NOTCH3: variants seen among roughly 807,000 people sequenced by gnomAD.
NOTCH3 encodes notch receptor 3.
NOTCH3 carries 86 observed loss-of-function variants against 213.3 expected under a neutral mutation model. The observed-to-expected ratio is 0.40, with a 90% CI of 0.34 to 0.48. The LOEUF is 0.48. NOTCH3 is among the 20% of genes least tolerant of loss of function. The probability of loss-of-function intolerance (pLI) is 0.57; values close to 1 mark genes in which losing one functional copy is unlikely to be tolerated. For missense variants in NOTCH3, 2,783 were observed against 3,272.6 expected, an observed-to-expected ratio of 0.85 and a Z score of 3.65; for synonymous variants, 1,354 against 1,355.9, an observed-to-expected ratio of 1.00 and a Z score of 0.03.
rs1417983935 is a variant in NOTCH3, at chr19:15,189,491, C to A, written c.1037-63G>T. On this transcript the variant is annotated intron_variant, in intron 6 of 32. Coordinates refer to ENST00000263388, the MANE Select transcript of NOTCH3 (RefSeq NM_000435.3). ...CTGCTCTGCCCAAAAGGCCCACACC[C>A]CTTGAGTATTGTTTTGTCGTTGTTG... is the stretch of plus-strand genomic sequence containing the variant. 3.0e-5 allele frequency: 47 copies of A among 1,568,306 alleles called. No homozygotes were observed. The South Asian group carries it at 3.4e-4, about 11-fold the overall frequency.
Position 15,185,126 on chromosome 19 carries a change from C to T in NOTCH3, c.2297-107G>A. Reference sequence around the variant, plus strand: ...AGGGTCCCCACCTTGATACCCACCTCCCAAGCTCCTGGAGGGAAATGATTG... The same window carrying T: ...AGGGTCCCCACCTTGATACCCACCTTCCAAGCTCCTGGAGGGAAATGATTG... On this transcript the variant is annotated intron_variant, in intron 14 of 32. Coordinates refer to ENST00000263388, the MANE Select transcript of NOTCH3 (RefSeq NM_000435.3). The surrounding 1 kb of genome is among the most constrained non-coding windows in gnomAD (Gnocchi z 4.2). 1 of 1,354,480 alleles carries T rather than the reference C, an allele frequency of 7.4e-7. No homozygotes were observed. Among genetic ancestry groups the T allele is most frequent in the Non-Finnish European group, 1.0e-6 (1 of 969,998 alleles). The allele number at this position is 1,354,480 out of a possible 1,614,324, so 83.9% of individuals were successfully genotyped here. A position where few individuals can be genotyped will look rare whatever the true frequency, so the allele number is the denominator to read the frequency against.
At chr19:15,199,220 T>C (rs149732511) in intron 1 of NOTCH3, among the ~76,000 whole-genome samples, 1 of 152,314 alleles carries the variant, frequency 6.6e-6, no homozygotes, top group Non-Finnish European at 1.5e-5. Flanking sequence ...TGCAGCTACA[T>C]GTGAGTCTAT....
Position 15,174,246 on chromosome 19 carries a change from G to GC in NOTCH3, c.4557dup (p.Pro1520AlafsTer43). 6.3e-7 allele frequency: 1 copy of GC among 1,588,744 alleles called. No homozygotes were observed. Among genetic ancestry groups the GC allele is most frequent in the Non-Finnish European group, 8.5e-7 (1 of 1,170,732 alleles). Reference sequence around the variant, plus strand: ...CTGGAACGCAGTAGCTCCTCTGGCGGCAGCAGCACTGTGAGCACCAGCACG... The same window carrying GC: ...CTGGAACGCAGTAGCTCCTCTGGCGGCCAGCAGCACTGTGAGCACCAGCACG... On this transcript the variant is annotated frameshift_variant, in exon 25 of 33. Coordinates refer to ENST00000263388, the MANE Select transcript of NOTCH3 (RefSeq NM_000435.3). LOFTEE classifies it high-confidence loss of function.
chr19:15,160,999 G>A lies in NOTCH3; in HGVS notation c.6629C>T (p.Pro2210Leu). The A allele has an allele frequency of 1.9e-6, 3 of 1,548,992 alleles. No homozygotes were observed. Among genetic ancestry groups the A allele is most frequent in the Non-Finnish European group, 2.6e-6 (3 of 1,147,824 alleles). Reference sequence around the variant, plus strand: ...GCCATGTCCTGGGACTGCCAGGTAAGGCGGGGGCCGCTCCTGCGGGGAGAC... The same window carrying A: ...GCCATGTCCTGGGACTGCCAGGTAAAGCGGGGGCCGCTCCTGCGGGGAGAC... ...TPVSPQERPP[P>L]YLAVPGHGEE... Residue 2210 changes from proline (P) to leucine (L), a missense_variant, in exon 33 of 33, where the codon CCT becomes CTT. Pro to Leu is a moderately conservative substitution (Grantham distance 98, BLOSUM62 -3). This residue lies in a region of NOTCH3 where 441 missense variants were observed against 432.1 expected (regional missense o/e 1.02). Coordinates refer to ENST00000263388, the MANE Select transcript of NOTCH3 (RefSeq NM_000435.3).
chr19:15,179,856 G>A (rs1197375500), intron 20 of NOTCH3, among the ~76,000 whole-genome samples: 1 of 151,954 alleles, frequency 6.6e-6, no homozygotes, highest in Admixed American at 6.6e-5. Context: ...GCACTCGTCT[G>A]GGTGACAGAG....
rs1011025144 is a variant in NOTCH3 at position 15,191,193 on chromosome 19, G to A, written c.1036+231C>T. Among the ~76,000 whole-genome samples the A allele has an allele frequency of 5.9e-5, 9 of 151,442 alleles. No homozygotes were observed. The East Asian group carries it at 9.8e-4, about 17-fold the overall frequency. ...GGATTACAGGTGTGCACCACCACGCGCAGCTAATTTTTGTGTTTTTAGTAG... is the reference window on the plus strand; with the variant it reads ...GGATTACAGGTGTGCACCACCACGCACAGCTAATTTTTGTGTTTTTAGTAG... On this transcript the variant is annotated intron_variant, in intron 6 of 32. Coordinates refer to ENST00000263388, the MANE Select transcript of NOTCH3 (RefSeq NM_000435.3).
chr19:15,175,282 C>T (rs966989100), intron 24 of NOTCH3, among the ~76,000 whole-genome samples: 4 of 148,426 alleles, frequency 2.7e-5, no homozygotes, highest in Non-Finnish European at 5.9e-5. Flanking sequence ...CCTCTAATTC[C>T]AGCACTTTGG....
rs778548048 is a variant in NOTCH3 at position 15,179,207 on chromosome 19, T to C, written c.3536A>G (p.Asn1179Ser). 24 of 1,613,796 alleles carry C rather than the reference T, an allele frequency of 1.5e-5. No homozygotes were observed. The South Asian group carries it at 2.1e-4, about 14-fold the overall frequency. Residue 1179 changes from asparagine (N) to serine (S), a missense_variant, in exon 22 of 33, where the codon AAT (asparagine) becomes AGT (serine). By Grantham distance (46) the Asn-to-Ser change is conservative. Around this residue, in one of 6 missense-constraint regions of NOTCH3, gnomAD observed 861 missense variants for 909.1 expected, o/e 0.95. Transcript: ENST00000263388. The part of the protein sequence containing the change: ...PLDSGPRCLH[N>S]GTCVDLVGGF... ...ACCCACCAGGTCCACGCAGGTGCCA[T>C]TGTGTAGGCACCGGGGCCCTGAGTC...
chr19:15,168,719 A>T (rs1489988967), intron 28 of NOTCH3, among the ~76,000 whole-genome samples: 1 of 152,058 alleles, frequency 6.6e-6, no homozygotes, highest in Non-Finnish European at 1.5e-5. Flanking sequence ...CTATAATCCC[A>T]GCTACTCGGG....
intron 2 of NOTCH3, among the ~76,000 whole-genome samples, chr19:15,194,957 CAA>C (rs35648748): frequency 0.2 from 23,632 of 119,408 alleles, 2,326 homozygotes; most frequent in East Asian, 0.35. Context: ...TACTCGATCT[CAA>C]AAAAAAAAAA....
At chr19:15,167,942 G>T (rs561725231) in intron 28 of NOTCH3, among the ~76,000 whole-genome samples, 10 of 139,132 alleles carry the variant, frequency 7.2e-5, no homozygotes, top group Non-Finnish European at 1.1e-4. Context: ...AATTATTTAT[G>T]TATATATTTT....
chr19:15,167,310 T>C lies in NOTCH3; in HGVS notation c.5301A>G (p.Ala1767=). 6.2e-7 allele frequency: 1 copy of C among 1,613,636 alleles called. No individual in the cohort carries two copies. The highest frequency in any genetic ancestry group is 8.5e-7 in the Non-Finnish European group (1 of 1,180,010). The change falls in exon 29 of 33, where the codon GCA becomes GCG. Residue 1767 remains alanine (A), a synonymous_variant. Transcript: ENST00000263388. ...CTGCGTCGCCCTGTGGTGGTGTCAG[T>C]GCCATGGCTGGTGCCACGCGGATGT... is the stretch of plus-strand genomic sequence containing the variant. The part of the protein sequence containing the change: ...AADIRVAPAM[A]LTPPQGDADA...
chr19:15,189,278 G>A lies in NOTCH3; in HGVS notation c.1187C>T (p.Ser396Phe). ...GACGATGGAGCTCCCCTCACCGATA[G>A]AGCACTCGTCCACATCCTGGTCACA... The part of the protein sequence containing the change: ...GACDQDVDEC[S>F]IGANPCEHLG... The change falls in exon 7 of 33, where the codon TCT (serine) becomes TTT (phenylalanine). Residue 396 changes from serine to phenylalanine, a missense_variant. Physicochemically the swap from Ser to Phe is radical, Grantham distance 155 (BLOSUM62 -2). Around this residue, in one of 6 missense-constraint regions of NOTCH3, gnomAD observed 708 missense variants for 906.6 expected, o/e 0.78. Transcript: ENST00000263388. 6.2e-7 allele frequency: 1 copy of A among 1,614,052 alleles called. No individual in the cohort carries two copies. The highest frequency in any genetic ancestry group is 1.1e-5 in the South Asian group (1 of 91,084).
In NOTCH3 at chr19:15,166,187, T is replaced by C. The variant is rs1271518410; in HGVS notation, c.5363-96A>G. On this transcript the variant is annotated intron_variant, in intron 29 of 32. Coordinates refer to ENST00000263388, the MANE Select transcript of NOTCH3 (RefSeq NM_000435.3). ...CCCCATTAGGAGCTAATGGGACACA[T>C]GGAAAAATGACAATTAGCAGATCCT... 7.7e-6 allele frequency: 8 copies of C among 1,035,378 alleles called. No homozygotes were observed. In the African/African-American group the frequency reaches 1.1e-4, roughly 14 times the overall value. 64.1% of individuals were successfully genotyped at this position (1,035,378 alleles called of 1,614,324 possible).
At chr19:15,179,866 G>A (rs928443558) in intron 20 of NOTCH3, among the ~76,000 whole-genome samples, 4 of 151,990 alleles carry the variant, frequency 2.6e-5, no homozygotes, top group Non-Finnish European at 5.9e-5. Context: ...GGGTGACAGA[G>A]TGAGAACCTG....
chr19:15,160,509 C>G lies in NOTCH3; in HGVS notation c.*153G>C, dbSNP rs536735934. On this transcript the variant is annotated 3_prime_UTR_variant, in exon 33 of 33. Transcript: ENST00000263388. ...GAAGACTGAAGCCCTGGGCTGATGA[C>G]CTATCTCGGTCACGCTGCAAGGCAA... The G allele has an allele frequency of 5.6e-5, 42 of 751,400 alleles. No individual in the cohort carries two copies. In the African/African-American group the frequency reaches 6.6e-4, roughly 12 times the overall value. 46.5% of individuals were successfully genotyped at this position (751,400 alleles called of 1,614,324 possible). A position where few individuals can be genotyped will look rare whatever the true frequency, so the allele number is the denominator to read the frequency against.
At chr19:15,171,267 A>G (rs1253625220) in intron 25 of NOTCH3, among the ~76,000 whole-genome samples, 1 of 151,938 alleles carries the variant, frequency 6.6e-6, no homozygotes, top group Non-Finnish European at 1.5e-5. Context: ...ACCTCAAGTG[A>G]TCCTCCCTGC....
In NOTCH3 at chr19:15,167,257, C is replaced by T. The variant is rs747646930; in HGVS notation, c.5354G>A (p.Arg1785His). ...ADADGMDVNVRGPDGFTPLML... is the reference protein window; with the variant it reads ...ADADGMDVNVHGPDGFTPLML... ...GGGGCACTGTCACTAACCTGGGCCA[C>T]GCACATTGACATCCATGCCATCAGC... The change falls in exon 29 of 33, where the codon CGT (arginine) becomes CAT (histidine). Residue 1785 changes from arginine to histidine, a missense_variant. Physicochemically the swap from Arg to His is conservative, Grantham distance 29. Transcript: ENST00000263388. 5.0e-6 allele frequency: 8 copies of T among 1,612,508 alleles called. No individual in the cohort carries two copies. Among genetic ancestry groups the T allele is most frequent in the Non-Finnish European group, 5.1e-6 (6 of 1,178,908 alleles).
rs1245351744 is a variant in NOTCH3, at chr19:15,174,294, C to G, written c.4510G>C (p.Val1504Leu). ...ACGCCGCGGGCCAGCAGGGCCGGCACCTCGCTGGCACAATCCAGCCCATCC... is the reference window on the plus strand; with the variant it reads ...ACGCCGCGGGCCAGCAGGGCCGGCAGCTCGCTGGCACAATCCAGCCCATCC... Reference protein sequence around the residue: ...GWDGLDCASEVPALLARGVLV... With the variant: ...GWDGLDCASELPALLARGVLV... Residue 1504 changes from valine to leucine, a missense_variant, in exon 25 of 33, where the codon GTG becomes CTG. This residue lies in a region of NOTCH3 where 636 missense variants were observed against 801.8 expected (regional missense o/e 0.79). Coordinates refer to ENST00000263388, the MANE Select transcript of NOTCH3 (RefSeq NM_000435.3). 1.3e-6 allele frequency: 2 copies of G among 1,557,952 alleles called. No individual in the cohort carries two copies. The highest frequency in any genetic ancestry group is 1.2e-5 in the South Asian group (1 of 85,534).
Sources: gnomAD v4.1 joint callset for allele counts (sites outside exome capture counted in the v4.1 genomes callset) on GRCh38, gnomAD v4.1.1 for gene constraint, gnomAD v4.1.1 regional missense constraint, Gnocchi (gnomAD v3.1) non-coding constraint, MANE v1.5 for transcripts, NCBI Gene and HGNC (gene_info 2026-07-23, HGNC 2026-07-21) for gene names.